VWA8: variants seen among roughly 807,000 people sequenced by gnomAD.
The protein encoded by VWA8 is von Willebrand factor A domain containing 8, also known as von Willebrand factor A domain-containing protein 8.
VWA8 carries 221 observed loss-of-function variants against 241.5 expected under a neutral mutation model. The observed-to-expected ratio is 0.91, with a 90% CI of 0.82 to 1.02. The LOEUF (loss-of-function observed/expected upper bound fraction) is 1.02. Among genes scored for constraint, VWA8 ranks in the 50% least tolerant of loss-of-function variants. The probability of loss-of-function intolerance (pLI) is 0.00; values close to 1 mark genes in which losing one functional copy is unlikely to be tolerated. For missense variants in VWA8, 2,322 were observed against 2,328.7 expected (o/e 1.00, Z 0.06); for synonymous variants, 852 against 827.1 (o/e 1.03, Z -0.52).
intron 16 of VWA8, among the ~76,000 whole-genome samples, chr13:41,815,968 G>A (rs1020607663): frequency 1.3e-5 from 2 of 152,164 alleles, no homozygotes; most frequent in African/African-American, 4.8e-5. Context: ...AATCAACAAT[G>A]ATGTCTAGGT....
chr13:41,870,991 C>A (rs917179246), intron 9 of VWA8, among the ~76,000 whole-genome samples: 1 of 151,938 alleles, frequency 6.6e-6, no homozygotes, highest in Admixed American at 6.6e-5. Flanking sequence ...AGAAAGGTAC[C>A]CCCATATTCT....
intron 12 of VWA8, among the ~76,000 whole-genome samples, chr13:41,860,942 G>A (rs1396036175): frequency 1.3e-5 from 2 of 152,044 alleles, no homozygotes; most frequent in Middle Eastern, 3.4e-3. Flanking sequence ...TCATTAGAAT[G>A]AGAGTTTTTA....
At chr13:41,937,041 G>A (rs941260600) in intron 2 of VWA8, among the ~76,000 whole-genome samples, 6 of 152,090 alleles carry the variant, frequency 3.9e-5, no homozygotes, top group Admixed American at 3.9e-4. Flanking sequence ...TTACCATTGT[G>A]TAACAATTGT....
At chr13:41,816,587 C>CA (rs1194250566) in intron 16 of VWA8, 111 bp downstream of exon 16, 2 of 1,098,068 alleles carry the variant, frequency 1.8e-6, no homozygotes, top group South Asian at 3.1e-5. Flanking sequence ...TAAGGGATTC[C>CA]AAAAAATAAA....
chr13:41,652,797 A>G (rs1199338330), intron 37 of VWA8, among the ~76,000 whole-genome samples: 2 of 152,332 alleles, frequency 1.3e-5, no homozygotes, highest in East Asian at 3.9e-4. Flanking sequence ...TAGCCAAAAG[A>G]TCTTCTGATA....
intron 5 of VWA8, among the ~76,000 whole-genome samples, chr13:41,888,741 A>G (rs1004662697): frequency 6.6e-6 from 1 of 152,180 alleles, no homozygotes; most frequent in African/African-American, 2.4e-5. Flanking sequence ...TGCTAGCTCC[A>G]CACTCTTGAA....
chr13:41,809,617 A>T (rs760170864), intron 17 of VWA8, among the ~76,000 whole-genome samples: 4 of 152,190 alleles, frequency 2.6e-5, no homozygotes, highest in Non-Finnish European at 5.9e-5. Context: ...ATGGATTAAG[A>T]ATTAAATCTA....
intron 21 of VWA8, among the ~76,000 whole-genome samples, chr13:41,734,014 C>T (rs2137868078): frequency 6.6e-6 from 1 of 152,246 alleles, no homozygotes; most frequent in South Asian, 2.1e-4. Context: ...AATGTTGGGT[C>T]AGAGTAAGTC....
intron 21 of VWA8, among the ~76,000 whole-genome samples, chr13:41,750,482 GA>G (rs200393186): frequency 0.075 from 9,105 of 122,202 alleles, 351 homozygotes; most frequent in East Asian, 0.13. Context: ...AAAAAAAAAG[GA>G]AAAAAAGAAA....
intron 2 of VWA8, among the ~76,000 whole-genome samples, chr13:41,920,211 G>A (rs1188740019): frequency 6.6e-6 from 1 of 152,138 alleles, no homozygotes; most frequent in East Asian, 1.9e-4. Flanking sequence ...TTGCCACTGT[G>A]CCCTGTTGAT....
intron 10 of VWA8, among the ~76,000 whole-genome samples, chr13:41,867,990 G>A (rs188846636): frequency 4.6e-5 from 7 of 152,156 alleles, no homozygotes; most frequent in Admixed American, 1.3e-4. Flanking sequence ...TTTTTAAACC[G>A]TTTCACATAG....
At chr13:41,891,770 C>T (rs1049655839) in intron 4 of VWA8, among the ~76,000 whole-genome samples, 183 bp from the exon 5 acceptor site, 6 of 152,144 alleles carry the variant, frequency 3.9e-5, no homozygotes, top group Admixed American at 3.9e-4. Flanking sequence ...GATTTTACCT[C>T]TTTGGGCCTG....
rs144726549 is a variant in VWA8, at chr13:41,882,818, G to GGGGAGA, written c.1080+563_1080+568dup. Among the ~76,000 whole-genome samples the GGGGAGA allele has an allele frequency of 8.5e-4, 125 of 147,010 alleles. 1 individual carries two copies. In the South Asian group the frequency reaches 0.012, roughly 14 times the overall value. ...GGAAAGAGAGGGAGAGGGAGACCGT[G>GGGGAGA]GGGAGAGGGAGAGGGAGAGGGAGAG... On this transcript the variant is annotated intron_variant, in intron 9 of 44. Transcript: ENST00000379310.
At chr13:41,754,405 C>A (rs1317804305) in intron 21 of VWA8, among the ~76,000 whole-genome samples, 1 of 152,078 alleles carries the variant, frequency 6.6e-6, no homozygotes, top group East Asian at 1.9e-4. Context: ...ACTGTAAGTC[C>A]AATAAACCTG....
At position 41,783,869 on chromosome 13, in the gene VWA8, C is replaced by T; in HGVS notation, c.2203G>A (p.Ala735Thr). The stretch of plus-strand genomic sequence containing the variant: ...GCATTATAGATCGGTGCACTAACAG[C>T]ACCAATCCTCAGAGTTCCAGATGTT... ...EVTSGTLRIG[A>T]VSAPIYNAHE... The change falls in exon 19 of 45, where the codon GCT becomes ACT. Residue 735 changes from alanine (A) to threonine (T), a missense_variant. Transcript: ENST00000379310. 6.2e-7 allele frequency: 1 copy of T among 1,613,714 alleles called. No individual in the cohort carries two copies. Among genetic ancestry groups the T allele is most frequent in the Non-Finnish European group, 8.5e-7 (1 of 1,179,876 alleles).
At chr13:41,604,048 C>T (rs1468963652) in intron 40 of VWA8, among the ~76,000 whole-genome samples, 1 of 152,022 alleles carries the variant, frequency 6.6e-6, no homozygotes, top group East Asian at 1.9e-4. Flanking sequence ...ATCACTGAAC[C>T]ATACTCATTC....
intron 12 of VWA8, among the ~76,000 whole-genome samples, chr13:41,851,765 G>C (rs1233297198): frequency 6.6e-6 from 1 of 151,986 alleles, no homozygotes; most frequent in Non-Finnish European, 1.5e-5. Flanking sequence ...ATACAGACGG[G>C]ATTTTCTGCT....
At chr13:41,846,811 C>T (rs1017356900) in intron 12 of VWA8, among the ~76,000 whole-genome samples, 7 of 152,066 alleles carry the variant, frequency 4.6e-5, no homozygotes, top group South Asian at 2.1e-4. Flanking sequence ...CCAAGGTAGG[C>T]GGATCACCTG....
chr13:41,752,627 A>G (rs2045664555), intron 21 of VWA8, among the ~76,000 whole-genome samples: 1 of 152,140 alleles, frequency 6.6e-6, no homozygotes, highest in Admixed American at 6.6e-5. Context: ...AGAGGAGGGG[A>G]TGGAAATAAG....
Sources: allele counts gnomAD v4.1 joint callset (sites outside exome capture counted in the v4.1 genomes callset), GRCh38; gene constraint gnomAD v4.1.1; transcripts MANE v1.5; gene names NCBI Gene and HGNC (gene_info 2026-07-23, HGNC 2026-07-21).